COL10A1: variants seen among roughly 807,000 people sequenced by gnomAD.
COL10A1 encodes collagen alpha-1(X) chain.
COL10A1 carries 10 observed loss-of-function variants against 18.2 expected under a neutral mutation model. The observed-to-expected ratio is 0.55, with a 90% CI of 0.34 to 0.93. The LOEUF (loss-of-function observed/expected upper bound fraction) is 0.93, where lower values mean the gene tolerates loss of function less well. Ranked by LOEUF, COL10A1 falls within the 40% of genes least tolerant of loss-of-function variation. COL10A1 has a pLI of 0.02. For missense variants in COL10A1, 897 were observed against 853.5 expected, an observed-to-expected ratio of 1.05 and a Z score of -0.64; for synonymous variants, 330 against 316.6, an observed-to-expected ratio of 1.04 and a Z score of -0.45.
intron 1 of COL10A1, among the ~76,000 whole-genome samples, chr6:116,139,248 C>T (rs770538617): frequency 2.6e-5 from 4 of 152,064 alleles, no homozygotes; most frequent in Admixed American, 6.5e-5. Flanking sequence ...AAAGAAGTCT[C>T]TCAGTCTACT....
At chr6:116,162,305 A>G (rs779670394), upstream of COL10A1, among the ~76,000 whole-genome samples, 1 of 152,254 alleles carries the variant, frequency 6.6e-6, no homozygotes, top group Non-Finnish European at 1.5e-5. Flanking sequence ...TAGAACTTCC[A>G]TTACTATGTT....
At chr6:116,178,110 CGTGTGTGTGTGT>C in the COL10A1 span, among the ~76,000 whole-genome samples, 4 of 117,446 alleles carry the variant, frequency 3.4e-5, no homozygotes, top group Non-Finnish European at 5.6e-5. Flanking sequence ...CGCGTGCGTG[CGTGTGTGTGTGT>C]GTGTGTGTGT....
chr6:116,171,015 G>A, the COL10A1 span, among the ~76,000 whole-genome samples: 1 of 151,794 alleles, frequency 6.6e-6, no homozygotes, highest in African/African-American at 2.4e-5. Flanking sequence ...ACCCTACCAC[G>A]CCTCTTCATT....
chr6:116,177,393 T>C, the COL10A1 span, among the ~76,000 whole-genome samples: 1 of 152,192 alleles, frequency 6.6e-6, no homozygotes, highest in Admixed American at 6.5e-5. Context: ...ATTTTTGTGA[T>C]TGAAACTCAC....
intron 1 of COL10A1, among the ~76,000 whole-genome samples, chr6:116,133,515 T>C (rs1779518195): frequency 6.6e-6 from 1 of 152,152 alleles, no homozygotes; most frequent in Non-Finnish European, 1.5e-5. Flanking sequence ...ATTAAGTACC[T>C]ATAGGGCACC....
At chr6:116,193,066 G>GAGT in the COL10A1 span, among the ~76,000 whole-genome samples, 3 of 152,088 alleles carry the variant, frequency 2.0e-5, no homozygotes, top group Non-Finnish European at 4.4e-5. Context: ...GTACAGAATA[G>GAGT]CTCCGTGCCT....
At chr6:116,163,537 C>T (rs991571419), upstream of COL10A1, among the ~76,000 whole-genome samples, 4 of 151,850 alleles carry the variant, frequency 2.6e-5, no homozygotes, top group East Asian at 7.7e-4. Flanking sequence ...AGTTAGTAGT[C>T]TATCAATTTT....
At chr6:116,153,663 T>C (rs1038181183) in intron 1 of COL10A1, among the ~76,000 whole-genome samples, 3 of 151,472 alleles carry the variant, frequency 2.0e-5, no homozygotes, top group Non-Finnish European at 4.4e-5. Context: ...ATTGCTATTG[T>C]TGTCAAAAAC....
At chr6:116,202,665 G>T in the COL10A1 span, among the ~76,000 whole-genome samples, 1 of 151,966 alleles carries the variant, frequency 6.6e-6, no homozygotes, top group Non-Finnish European at 1.5e-5. Context: ...TGTTTGTTAG[G>T]TTAAGAATGG....
At chr6:116,179,509 C>T in the COL10A1 span, among the ~76,000 whole-genome samples, 31 of 152,052 alleles carry the variant, frequency 2.0e-4, no homozygotes, top group Admixed American at 2.0e-3. Flanking sequence ...AGAAGATATG[C>T]AAATGCCCAA....
upstream of COL10A1, among the ~76,000 whole-genome samples, chr6:116,129,799 G>T (rs1000219478): frequency 6.6e-6 from 1 of 152,144 alleles, no homozygotes; most frequent in African/African-American, 2.4e-5. Context: ...TTGAAAAGCC[G>T]TGTCATCTGT....
At chr6:116,172,317 C>CTTTTTTTTT in the COL10A1 span, among the ~76,000 whole-genome samples, 1 of 108,026 alleles carries the variant, frequency 9.3e-6, no homozygotes, top group Non-Finnish European at 1.8e-5. Context: ...CCCTTAGTAA[C>CTTTTTTTTT]TTTTTTTTTT....
intron 1 of COL10A1, among the ~76,000 whole-genome samples, chr6:116,133,000 A>T (rs1179558504): frequency 6.6e-6 from 1 of 152,198 alleles, no homozygotes; most frequent in Non-Finnish European, 1.5e-5. Context: ...ATGCATAAAA[A>T]CAGGTGTTTA....
chr6:116,158,098 A>C (rs1042518193), intron 1 of COL10A1, among the ~76,000 whole-genome samples: 6 of 152,298 alleles, frequency 3.9e-5, no homozygotes, highest in Admixed American at 1.3e-4. Context: ...GAACTACAAG[A>C]ACTTTCTAGT....
At chr6:116,159,343 T>A (rs1780277330), upstream of COL10A1, among the ~76,000 whole-genome samples, 2 of 152,174 alleles carry the variant, frequency 1.3e-5, no homozygotes, top group African/African-American at 4.8e-5. Context: ...TTCAAGTCAT[T>A]ATTTCTGTTT....
the COL10A1 span, among the ~76,000 whole-genome samples, chr6:116,182,752 A>G: frequency 6.7e-6 from 1 of 148,438 alleles, no homozygotes; most frequent in Non-Finnish European, 1.5e-5. Flanking sequence ...TTTCTTGCTG[A>G]TATGTTTGAG....
At chr6:116,152,384 C>T (rs1780064681) in intron 1 of COL10A1, among the ~76,000 whole-genome samples, 1 of 152,006 alleles carries the variant, frequency 6.6e-6, no homozygotes, top group African/African-American at 2.4e-5. Flanking sequence ...AGGTAGATTC[C>T]CTTGCCTCTT....
the COL10A1 span, among the ~76,000 whole-genome samples, chr6:116,185,921 GA>G: frequency 1.3e-5 from 2 of 151,994 alleles, no homozygotes; most frequent in South Asian, 2.1e-4. Flanking sequence ...GTTGTTTCCT[GA>G]AAACCTTGGA....
the COL10A1 span, among the ~76,000 whole-genome samples, chr6:116,212,222 T>A: frequency 2.1e-5 from 3 of 145,186 alleles, no homozygotes; most frequent in Non-Finnish European, 2.9e-5. Flanking sequence ...TCTTTTGTTA[T>A]CATGGAGTAA....
Sources: allele counts gnomAD v4.1 joint callset (sites outside exome capture counted in the v4.1 genomes callset), GRCh38; gene constraint gnomAD v4.1.1; transcripts MANE v1.5; gene names NCBI Gene and HGNC (gene_info 2026-07-23, HGNC 2026-07-21).